SLC11A2: variants seen among roughly 807,000 people sequenced by gnomAD.
The protein encoded by SLC11A2 is solute carrier family 11 member 2.
A neutral mutation model predicts 68.0 loss-of-function variants in SLC11A2; 38 were observed. That is an observed-to-expected ratio of 0.56 (90% CI 0.43 to 0.73). The LOEUF (loss-of-function observed/expected upper bound fraction) is 0.73, where lower values mean the gene tolerates loss of function less well. Ranked by LOEUF, SLC11A2 falls within the 30% of genes least tolerant of loss-of-function variation. SLC11A2 has a pLI of 0.00. For missense variants in SLC11A2, 517 were observed against 690.5 expected (o/e 0.75, Z 2.82); for synonymous variants, 242 against 250.6 (o/e 0.97, Z 0.32).
intron 14 of SLC11A2, among the ~76,000 whole-genome samples, chr12:50,991,277 A>T (rs1941121422): frequency 6.6e-6 from 1 of 152,186 alleles, no homozygotes; most frequent in Non-Finnish European, 1.5e-5. Context: ...TCCTTTAAAG[A>T]TATATATAAA....
downstream of SLC11A2, among the ~76,000 whole-genome samples, chr12:50,982,822 T>C (rs1047510363): frequency 2.0e-5 from 3 of 149,424 alleles, no homozygotes; most frequent in Admixed American, 6.8e-5. Context: ...ATGCCTGTAA[T>C]CCCAGCTACT....
chr12:50,975,697 C>A (rs886564866), downstream of SLC11A2, among the ~76,000 whole-genome samples: 2 of 152,030 alleles, frequency 1.3e-5, no homozygotes, highest in South Asian at 4.2e-4. Flanking sequence ...ATCAATGAAT[C>A]CAGGAGCTGG....
chr12:50,953,371 G>C, the SLC11A2 span, among the ~76,000 whole-genome samples: 2 of 152,216 alleles, frequency 1.3e-5, no homozygotes, highest in Non-Finnish European at 2.9e-5. Flanking sequence ...ACAGACTCAG[G>C]CGCTGCTAAA....
Position 50,992,803 on chromosome 12 carries a change from C to T in SLC11A2, c.1197+7G>A. 2 of 1,613,366 alleles carry T rather than the reference C, an allele frequency of 1.2e-6. No individual in the cohort carries two copies. The highest frequency in any genetic ancestry group is 2.2e-5 in the South Asian group (2 of 91,042). ...GTTATCTCCCTCTATCCTATACCAG[C>T]ACGTACCTCCATGACAAACTGGCCA... On this transcript the variant is annotated splice_region_variant and intron_variant, in intron 12 of 15. Transcript: ENST00000262052.
In SLC11A2 at chr12:50,992,847, G is replaced by A; in HGVS notation, c.1160C>T (p.Thr387Ile). ...CTGGCCAGAATAGGTTCCTGTCATG[G>A]TGGAGCTCTGTCCTGCAGCCAGGAT... is the stretch of plus-strand genomic sequence containing the variant. ...VGILAAGQSS[T>I]MTGTYSGQFV... The change falls in exon 12 of 16, where the codon ACC (threonine) becomes ATC (isoleucine). Residue 387 changes from threonine (T) to isoleucine (I), a missense_variant. Transcript: ENST00000262052. The A allele has an allele frequency of 6.2e-7, 1 of 1,613,964 alleles. No homozygotes were observed. The highest frequency in any genetic ancestry group is 8.5e-7 in the Non-Finnish European group (1 of 1,179,992).
the SLC11A2 span, among the ~76,000 whole-genome samples, chr12:50,959,710 T>C: frequency 2.6e-5 from 4 of 151,936 alleles, no homozygotes; most frequent in Non-Finnish European, 5.9e-5. Context: ...TGCAGTAGCA[T>C]TATCTCAGCT....
At chr12:50,968,042 C>CG in the SLC11A2 span, among the ~76,000 whole-genome samples, 363 of 152,146 alleles carry the variant, frequency 2.4e-3, 2 homozygotes, top group African/African-American at 8.1e-3. Context: ...GCCTTGCTCA[C>CG]GCCACTGCAC....
the SLC11A2 span, among the ~76,000 whole-genome samples, chr12:50,973,373 G>A: frequency 4.6e-5 from 7 of 152,096 alleles, no homozygotes; most frequent in East Asian, 1.9e-4. Flanking sequence ...TGATACCCAG[G>A]CAAAAAGGGT....
At chr12:50,968,259 C>CA in the SLC11A2 span, among the ~76,000 whole-genome samples, 2 of 152,126 alleles carry the variant, frequency 1.3e-5, no homozygotes, top group Non-Finnish European at 2.9e-5. Flanking sequence ...AGTAAGGCAG[C>CA]AGTTGGGAAG....
At chr12:50,979,842 C>T (rs566182776), downstream of SLC11A2, 51 of 454,066 alleles carry the variant, frequency 1.1e-4, no homozygotes, top group South Asian at 7.9e-4. Context: ...GCAGAGAGGT[C>T]ATATATTTAA....
chr12:50,991,594 C>A lies in SLC11A2; in HGVS notation c.1421+5G>T. 6.2e-7 allele frequency: 1 copy of A among 1,612,908 alleles called. No homozygotes were observed. The highest frequency in any genetic ancestry group is 1.1e-5 in the South Asian group (1 of 90,926). ...CCCTTTGGGAACGAAGAGGAGTACACTCACAGTCCATTGGCAAAGTCACTC... is the reference window on the plus strand; with the variant it reads ...CCCTTTGGGAACGAAGAGGAGTACAATCACAGTCCATTGGCAAAGTCACTC... On this transcript the variant is annotated splice_donor_5th_base_variant and intron_variant, in intron 14 of 15. Transcript: ENST00000262052.
chr12:51,027,230 C>G (rs1231653665), upstream of SLC11A2, among the ~76,000 whole-genome samples: 2 of 151,728 alleles, frequency 1.3e-5, no homozygotes, highest in East Asian at 1.9e-4. Context: ...GTCCCAGCTA[C>G]TCGGGGGCTG....
At chr12:50,977,922 T>C (rs1171458263), downstream of SLC11A2, among the ~76,000 whole-genome samples, 1 of 152,032 alleles carries the variant, frequency 6.6e-6, no homozygotes. Flanking sequence ...ATCAGAGAAA[T>C]GCAAATCAAA....
the SLC11A2 span, among the ~76,000 whole-genome samples, chr12:50,966,448 T>C: frequency 2.0e-5 from 3 of 152,284 alleles, no homozygotes; most frequent in East Asian, 5.8e-4. Flanking sequence ...GTCCCATGCA[T>C]TGCAAGATGC....
At chr12:50,966,433 G>A in the SLC11A2 span, among the ~76,000 whole-genome samples, 2 of 152,210 alleles carry the variant, frequency 1.3e-5, no homozygotes, top group Non-Finnish European at 2.9e-5. Context: ...TTGTTGTGGA[G>A]GATTGTCCCA....
chr12:51,017,636 A>G (rs1943752731), intron 1 of SLC11A2, among the ~76,000 whole-genome samples: 1 of 152,204 alleles, frequency 6.6e-6, no homozygotes, highest in African/African-American at 2.4e-5. Context: ...AAGGTCATAT[A>G]GATTCACTCA....
At chr12:50,982,760 A>G (rs1178220759), downstream of SLC11A2, among the ~76,000 whole-genome samples, 1 of 152,006 alleles carries the variant, frequency 6.6e-6, no homozygotes, top group Non-Finnish European at 1.5e-5. Flanking sequence ...CCTGACCAAC[A>G]TGGCGAAACC....
downstream of SLC11A2, among the ~76,000 whole-genome samples, chr12:50,984,384 TAAGTA>T (rs1461309710): frequency 2.6e-5 from 4 of 152,174 alleles, no homozygotes; most frequent in South Asian, 2.1e-4. Context: ...AATTTAGGCT[TAAGTA>T]AATAACAGCA....
At chr12:51,009,305 G>A (rs11169667) in intron 2 of SLC11A2, 233,245 of 1,274,596 alleles carry the variant, frequency 0.18, 22,447 homozygotes, top group South Asian at 0.27. Flanking sequence ...CCCTCGTGAT[G>A]GCAGGGCTCA....
Sources: gnomAD v4.1 joint callset for allele counts (sites outside exome capture counted in the v4.1 genomes callset) on GRCh38, gnomAD v4.1.1 for gene constraint, MANE v1.5 for transcripts, NCBI Gene and HGNC (gene_info 2026-07-23, HGNC 2026-07-21) for gene names.